TRIOBP: variants seen among roughly 807,000 people sequenced by gnomAD.
The protein encoded by TRIOBP is TRIO and F-actin binding protein.
In TRIOBP, 169 loss-of-function variants were observed where a neutral mutation model predicts 238.8. The observed-to-expected ratio is 0.71, with a 90% CI of 0.62 to 0.80. The LOEUF is 0.80. Ranked by LOEUF, TRIOBP falls within the 30% of genes least tolerant of loss-of-function variation. The probability of loss-of-function intolerance (pLI) is 0.00; values close to 1 mark genes in which losing one functional copy is unlikely to be tolerated. For synonymous variants in TRIOBP, 1,150 were observed against 1,274.4 expected (o/e 0.90, Z 2.08); for missense variants, 2,838 against 3,122.6 (o/e 0.91, Z 2.17).
rs773859704 is a variant in TRIOBP at position 37,723,216 on chromosome 22, G to A, written c.660G>A (p.Gln220=). Residue 220 remains glutamine, a synonymous_variant, in exon 7 of 24, where the codon CAG becomes CAA. Transcript: ENST00000644935. ...DTGGGGRSAG[Q]HWARLRGESG... is the part of the protein sequence containing the mutation. The stretch of plus-strand genomic sequence containing the variant: ...GCGGTGGGGGCCGGAGCGCAGGACA[G>A]CACTGGGCAAGGCTCCGGGGAGAAA... 1.2e-6 allele frequency: 2 copies of A among 1,613,778 alleles called. No individual in the cohort carries two copies. Among genetic ancestry groups the A allele is most frequent in the Admixed American group, 1.7e-5 (1 of 59,980 alleles).
intron 18 of TRIOBP, among the ~76,000 whole-genome samples, chr22:37,767,824 A>G (rs1178486695): frequency 6.6e-6 from 1 of 152,152 alleles, no homozygotes; most frequent in Non-Finnish European, 1.5e-5. Context: ...ATCTTCCCTT[A>G]ATAGATGGGC....
In TRIOBP at chr22:37,734,783, G is replaced by T; in HGVS notation, c.4447G>T (p.Glu1483Ter). The T allele has an allele frequency of 1.2e-6, 2 of 1,612,368 alleles. No homozygotes were observed. Among genetic ancestry groups the T allele is most frequent in the Non-Finnish European group, 1.7e-6 (2 of 1,179,790 alleles). Residue 1483 changes from glutamate to a stop codon, truncating the protein, a stop_gained, in exon 9 of 24, where the codon GAG (glutamate) becomes TAG (stop). Transcript: ENST00000644935. LOFTEE classifies it high-confidence loss of function. The part of the protein sequence containing the change: ...PEGAWGGTSR[E>*]YKESWGQPEA... Reference sequence around the variant, plus strand: ...GGGAGCATGGGGGGGCACTTCCAGGGAGTACAAGGAGAGCTGGGGGCAGCC... The same window carrying T: ...GGGAGCATGGGGGGGCACTTCCAGGTAGTACAAGGAGAGCTGGGGGCAGCC...
At chr22:37,746,105 T>C in intron 11 of TRIOBP, 4 of 786,966 alleles carry the variant, frequency 5.1e-6, no homozygotes, top group Non-Finnish European at 6.0e-6. Flanking sequence ...TTGCGGCAGG[T>C]CCCGCCCCCG....
At chr22:37,729,599 T>C (rs1235408654) in intron 7 of TRIOBP, among the ~76,000 whole-genome samples, 1 of 152,230 alleles carries the variant, frequency 6.6e-6, no homozygotes. Context: ...TAATTTTCTT[T>C]CCTTTTTTCC....
Position 37,754,867 on chromosome 22 carries a change from C to T in TRIOBP, c.5380-10C>T. The stretch of plus-strand genomic sequence containing the variant: ...CACACACTGGCTCTTTCATTCCATC[C>T]TCCTTGCAGCCTCCCTCCCCCTCGC... On this transcript the variant is annotated splice_polypyrimidine_tract_variant and intron_variant, in intron 12 of 23. Transcript: ENST00000644935. The T allele has an allele frequency of 6.2e-7, 1 of 1,613,772 alleles. No individual in the cohort carries two copies. Among genetic ancestry groups the T allele is most frequent in the Middle Eastern group, 1.7e-4 (1 of 6,014 alleles).
chr22:37,759,737 G>A (rs934123850), intron 17 of TRIOBP: 15 of 1,453,202 alleles, frequency 1.0e-5, no homozygotes, highest in African/African-American at 1.4e-5. Flanking sequence ...AGAATGCACC[G>A]TCCGCCTAGG....
In TRIOBP at chr22:37,723,258, G is replaced by A; in HGVS notation, c.702G>A (p.Glu234=). 1.2e-6 allele frequency: 2 copies of A among 1,614,066 alleles called. No homozygotes were observed. The highest frequency in any genetic ancestry group is 1.1e-5 in the South Asian group (1 of 91,088). ...RLRGESGLSL[E]RHRSTLTQAS... is the part of the protein sequence containing the mutation. Reference sequence around the variant, plus strand: ...GGGGAGAAAGCGGGTTGTCCCTGGAGCGGCACCGGTCAACACTGACCCAGG... The same window carrying A: ...GGGGAGAAAGCGGGTTGTCCCTGGAACGGCACCGGTCAACACTGACCCAGG... The change falls in exon 7 of 24, where the codon GAG becomes GAA. Residue 234 remains glutamate (E), a synonymous_variant. Transcript: ENST00000644935.
chr22:37,737,985 G>T (rs987011291), intron 9 of TRIOBP, among the ~76,000 whole-genome samples: 18 of 152,180 alleles, frequency 1.2e-4, no homozygotes, highest in African/African-American at 4.3e-4. Flanking sequence ...ACACAGGCAG[G>T]ATCTCTACCT....
intron 7 of TRIOBP, among the ~76,000 whole-genome samples, chr22:37,730,290 G>C (rs1263671377): frequency 6.6e-6 from 1 of 152,180 alleles, no homozygotes; most frequent in African/African-American, 2.4e-5. Context: ...TGTTGCTTCA[G>C]CATCGGACAA....
chr22:37,726,060 C>T lies in TRIOBP; in HGVS notation c.3504C>T (p.His1168=), dbSNP rs750383590. Residue 1168 remains histidine, a synonymous_variant, in exon 7 of 24, where the codon CAC becomes CAT. Transcript: ENST00000644935. ...TCCCCACCCCTGTGTGCATTGGGCA[C>T]CGGGATGCACCCTCCTTCTCATCCC... The part of the protein sequence containing the change: ...PHIPTPVCIG[H]RDAPSFSSPP... 19 of 1,594,098 alleles carry T rather than the reference C, an allele frequency of 1.2e-5. No individual in the cohort carries two copies. Among genetic ancestry groups the T allele is most frequent in the Non-Finnish European group, 1.5e-5 (18 of 1,170,358 alleles).
intron 3 of TRIOBP, among the ~76,000 whole-genome samples, chr22:37,703,690 G>A (rs1290705361): frequency 6.6e-6 from 1 of 151,744 alleles, no homozygotes; most frequent in African/African-American, 2.4e-5. Context: ...CTTTTTAGTA[G>A]AGACAGGGTT....
At chr22:37,748,946 C>A (rs549897800) in intron 11 of TRIOBP, among the ~76,000 whole-genome samples, 1 of 152,050 alleles carries the variant, frequency 6.6e-6, no homozygotes. Flanking sequence ...GTGTTGTGAT[C>A]GGCAAGGAAT....
chr22:37,708,043 G>A (rs1923039906), intron 3 of TRIOBP, among the ~76,000 whole-genome samples: 2 of 150,076 alleles, frequency 1.3e-5, no homozygotes, highest in Admixed American at 1.3e-4. Flanking sequence ...TCAGGAGATC[G>A]AGACCATCCT....
At position 37,758,011 on chromosome 22, in the gene TRIOBP, A is replaced by C; in HGVS notation, c.6086A>C (p.Lys2029Thr). The change falls in exon 16 of 24, where the codon AAG becomes ACG. Residue 2029 changes from lysine to threonine, a missense_variant. This residue lies in a region of TRIOBP where 2,096 missense variants were observed against 2,137.4 expected (regional missense o/e 0.98). Coordinates refer to ENST00000644935, the MANE Select transcript of TRIOBP (RefSeq NM_001039141.3). ...QNRLSEEIEK[K>T]WQELEKLPLR... ...CGGCTTAGTGAGGAGATCGAGAAGAAGTGGCAGGAGCTGGAGAAGCTGCCC... is the reference window on the plus strand; with the variant it reads ...CGGCTTAGTGAGGAGATCGAGAAGACGTGGCAGGAGCTGGAGAAGCTGCCC... 6.2e-7 allele frequency: 1 copy of C among 1,607,954 alleles called. No homozygotes were observed. Among genetic ancestry groups the C allele is most frequent in the East Asian group, 2.2e-5 (1 of 44,630 alleles).
chr22:37,766,606 A>C (rs1427545327), intron 18 of TRIOBP, among the ~76,000 whole-genome samples: 1 of 152,228 alleles, frequency 6.6e-6, no homozygotes, highest in Non-Finnish European at 1.5e-5. Context: ...ATCACACTTA[A>C]GTGGAATAAT....
intron 3 of TRIOBP, among the ~76,000 whole-genome samples, chr22:37,705,457 A>AG (rs1158519101): frequency 6.6e-6 from 1 of 150,524 alleles, no homozygotes; most frequent in Non-Finnish European, 1.5e-5. Flanking sequence ...GACAGGCAAG[A>AG]GGGGGGCACA....
At chr22:37,738,454 T>A (rs926776685) in intron 9 of TRIOBP, among the ~76,000 whole-genome samples, 188 bp from the exon 10 acceptor site, 5 of 152,042 alleles carry the variant, frequency 3.3e-5, no homozygotes, top group African/African-American at 1.2e-4. Context: ...AGACAATGGA[T>A]GATGGGTACA....
intron 2 of TRIOBP, among the ~76,000 whole-genome samples, chr22:37,698,401 G>T (rs111869862): frequency 2.4e-5 from 3 of 123,872 alleles, no homozygotes; most frequent in Non-Finnish European, 4.8e-5. Flanking sequence ...TGCCCAGGCT[G>T]GAGTGCAGCG....
chr22:37,748,995 G>T (rs1925427954), intron 11 of TRIOBP, among the ~76,000 whole-genome samples: 1 of 152,120 alleles, frequency 6.6e-6, no homozygotes, highest in Non-Finnish European at 1.5e-5. Flanking sequence ...GCAAGGGGAG[G>T]CCAGGCTGGA....
Sources: allele counts gnomAD v4.1 joint callset (sites outside exome capture counted in the v4.1 genomes callset), GRCh38; gene constraint gnomAD v4.1.1; regional missense constraint gnomAD v4.1.1; transcripts MANE v1.5; gene names NCBI Gene and HGNC (gene_info 2026-07-23, HGNC 2026-07-21).